The following ZFPM1 variants were observed in gnomAD, a reference collection of about 807,000 sequenced individuals.
ZFPM1 encodes zinc finger protein ZFPM1.
Under a neutral mutation model 46.3 loss-of-function variants are expected in ZFPM1, and 28 were observed. That is an observed-to-expected ratio of 0.60 (90% CI 0.45 to 0.83). ZFPM1 has a LOEUF of 0.83. Ranked by LOEUF, ZFPM1 falls within the 40% of genes least tolerant of loss-of-function variation. The pLI is 0.00. For synonymous variants in ZFPM1, 957 were observed against 675.9 expected, an observed-to-expected ratio of 1.42 and a Z score of -6.45; for missense variants, 1,878 against 1,432.4, an observed-to-expected ratio of 1.31 and a Z score of -5.02.
intron 1 of ZFPM1, among the ~76,000 whole-genome samples, chr16:88,458,208 C>T (rs964926057): frequency 3.3e-5 from 5 of 152,218 alleles, no homozygotes; most frequent in Non-Finnish European, 5.9e-5. Flanking sequence ...CTCCATCCTC[C>T]GGCTTCTGTC....
chr16:88,475,216 G>A (rs979206369), intron 1 of ZFPM1, among the ~76,000 whole-genome samples: 7 of 152,270 alleles, frequency 4.6e-5, no homozygotes, highest in Non-Finnish European at 8.8e-5. Context: ...CTCCCGTGGG[G>A]TGTCGAGGGT....
At chr16:88,491,897 A>AGGAAAACAGACC (rs1909599488) in intron 3 of ZFPM1, among the ~76,000 whole-genome samples, 2 of 152,142 alleles carry the variant, frequency 1.3e-5, no homozygotes, top group Non-Finnish European at 2.9e-5. Context: ...GTGGGCTGTT[A>AGGAAAACAGACC]TCTCTCGGGG....
At chr16:88,519,814 G>A (rs1023728009) in intron 4 of ZFPM1, among the ~76,000 whole-genome samples, 1 of 151,272 alleles carries the variant, frequency 6.6e-6, no homozygotes, top group African/African-American at 2.4e-5. Context: ...ATGGACAGGT[G>A]GATGAATGGA....
At chr16:88,458,250 A>G (rs753470677) in intron 1 of ZFPM1, among the ~76,000 whole-genome samples, 1 of 152,162 alleles carries the variant, frequency 6.6e-6, no homozygotes, top group Non-Finnish European at 1.5e-5. Context: ...TCTCAGCCTC[A>G]GTCTCCACAT....
At chr16:88,475,940 C>T (rs116580609) in intron 1 of ZFPM1, among the ~76,000 whole-genome samples, 2 of 152,270 alleles carry the variant, frequency 1.3e-5, no homozygotes, top group Non-Finnish European at 2.9e-5. Context: ...TTAAGCCCAC[C>T]AGGTCCACCC....
chr16:88,452,731 T>TG (rs1453408687), upstream of ZFPM1, among the ~76,000 whole-genome samples: 2 of 152,220 alleles, frequency 1.3e-5, no homozygotes, highest in Non-Finnish European at 2.9e-5. Context: ...GACCAAGGGC[T>TG]GGGGGCGGAG....
intron 1 of ZFPM1, among the ~76,000 whole-genome samples, chr16:88,484,619 A>G (rs990351214): frequency 1.3e-5 from 2 of 152,148 alleles, no homozygotes; most frequent in Non-Finnish European, 2.9e-5. Context: ...AGGACAGTAG[A>G]AGGCTGGGCG....
chr16:88,533,678 C>G lies in ZFPM1; in HGVS notation c.1720C>G (p.Pro574Ala), dbSNP rs769784761. The change falls in exon 10 of 10, where the codon CCC (proline) becomes GCC (alanine). Residue 574 changes from proline to alanine, a missense_variant. Pro to Ala is a conservative substitution (Grantham distance 27). Transcript: ENST00000319555. ...GAQTGLFPGA[P>A]KGATCFECEI... The stretch of plus-strand genomic sequence containing the variant: ...GCAGACCGGGCTCTTCCCCGGGGCC[C>G]CCAAGGGCGCTACGTGCTTCGAGTG... The G allele has an allele frequency of 6.7e-7, 1 of 1,493,910 alleles. No homozygotes were observed. The highest frequency in any genetic ancestry group is 1.5e-5 in the African/African-American group (1 of 67,928). The allele number at this position is 1,493,910 out of a possible 1,614,324, so 92.5% of individuals were successfully genotyped here.
intron 3 of ZFPM1, among the ~76,000 whole-genome samples, chr16:88,509,149 C>T (rs929619571): frequency 2.0e-5 from 3 of 152,248 alleles, no homozygotes; most frequent in Admixed American, 6.5e-5. Context: ...ACCGCCAGTC[C>T]GCTGACCCAC....
chr16:88,517,478 G>A, intron 4 of ZFPM1, among the ~76,000 whole-genome samples: 1 of 79,172 alleles, frequency 1.3e-5, no homozygotes, highest in South Asian at 4.6e-4. Flanking sequence ...ATGGCTGGGT[G>A]GATGGATGGA....
intron 1 of ZFPM1, among the ~76,000 whole-genome samples, chr16:88,461,897 CAT>C (rs1052694921): frequency 3.3e-5 from 5 of 152,220 alleles, no homozygotes; most frequent in Admixed American, 6.5e-5. Context: ...GGAGGCGTGA[CAT>C]GTGTGAGGTT....
At chr16:88,489,988 G>A (rs796311107) in intron 3 of ZFPM1, among the ~76,000 whole-genome samples, 1 of 152,228 alleles carries the variant, frequency 6.6e-6, no homozygotes, top group African/African-American at 2.4e-5. Context: ...CCCCCGTGGA[G>A]GAGGGACAGC....
At chr16:88,516,798 TAGA>T (rs1297951191) in intron 4 of ZFPM1, among the ~76,000 whole-genome samples, 2 of 152,076 alleles carry the variant, frequency 1.3e-5, no homozygotes, top group African/African-American at 2.4e-5. Flanking sequence ...TCTCTCTTTG[TAGA>T]AGGAGAAGGG....
At chr16:88,453,967 T>C (rs563951618) in intron 1 of ZFPM1, among the ~76,000 whole-genome samples, 42 of 152,242 alleles carry the variant, frequency 2.8e-4, no homozygotes, top group African/African-American at 9.6e-4. Context: ...CCTCGCGGCC[T>C]GCCCCTCCCC....
In ZFPM1 at chr16:88,486,011, C is replaced by G; in HGVS notation, c.113C>G (p.Thr38Arg). The G allele has an allele frequency of 1.9e-6, 3 of 1,612,762 alleles. No individual in the cohort carries two copies. Among genetic ancestry groups the G allele is most frequent in the Non-Finnish European group, 1.7e-6 (2 of 1,179,872 alleles). Residue 38 changes from threonine (T) to arginine (R), a missense_variant, in exon 2 of 10, where the codon ACG becomes AGG. Thr to Arg is a moderately conservative substitution (Grantham distance 71). Transcript: ENST00000319555. ...VGASHMEQKA[T>R]APEAPSPPSA... ...GCCAGCCACATGGAGCAAAAGGCCA[C>G]GGCACCTGAAGCCCCGAGCCCTCCC...
chr16:88,503,155 G>A (rs1910465883), intron 3 of ZFPM1, among the ~76,000 whole-genome samples: 1 of 152,256 alleles, frequency 6.6e-6, no homozygotes, highest in South Asian at 2.1e-4. Flanking sequence ...CGTGGGTCCT[G>A]AGCAGCGGCA....
intron 4 of ZFPM1, among the ~76,000 whole-genome samples, chr16:88,521,553 A>C (rs1281167432): frequency 6.6e-5 from 3 of 45,410 alleles, no homozygotes; most frequent in African/African-American, 8.9e-5. Flanking sequence ...TCCCTCCCTC[A>C]TGCTGTTCCC....
intron 2 of ZFPM1, 90 bp from the exon 3 acceptor site, chr16:88,488,941 C>T (rs1420231642): frequency 6.6e-7 from 1 of 1,517,324 alleles, no homozygotes; most frequent in Non-Finnish European, 8.8e-7. Context: ...AACCCGGCGC[C>T]CAGCGCCTCA....
intron 2 of ZFPM1, among the ~76,000 whole-genome samples, chr16:88,487,004 C>T (rs563584273): frequency 2.8e-4 from 43 of 152,320 alleles, no homozygotes; most frequent in African/African-American, 9.4e-4. Context: ...TTTCCTCCAC[C>T]CTCACAGGCA....
Sources: allele counts gnomAD v4.1 joint callset (sites outside exome capture counted in the v4.1 genomes callset), GRCh38; gene constraint gnomAD v4.1.1; transcripts MANE v1.5; gene names NCBI Gene and HGNC (gene_info 2026-07-23, HGNC 2026-07-21).